FSD1L: variants seen among roughly 807,000 people sequenced by gnomAD.
The protein encoded by FSD1L is fibronectin type III and SPRY domain containing 1 like.
A neutral mutation model predicts 71.6 loss-of-function variants in FSD1L; 45 were observed. The observed-to-expected ratio is 0.63, with a 90% CI of 0.49 to 0.81. The LOEUF is 0.81. FSD1L is among the 30% of genes least tolerant of loss of function. The probability of loss-of-function intolerance (pLI) is 0.00; values close to 1 mark genes in which losing one functional copy is unlikely to be tolerated. For missense variants in FSD1L, 561 were observed against 618.1 expected, an observed-to-expected ratio of 0.91 and a Z score of 0.98; for synonymous variants, 197 against 207.2, an observed-to-expected ratio of 0.95 and a Z score of 0.42.
At position 105,478,947 on chromosome 9, in the gene FSD1L, T is replaced by G. The variant is rs565422283; in HGVS notation, c.442-407T>G. ...GTGAAAGAGATCTCTGAAGAAAAAT[T>G]AGAGAGTAAATTTGACATGTACAAG... On this transcript the variant is annotated intron_variant, in intron 5 of 13. Transcript: ENST00000481272. Among the ~76,000 whole-genome samples, 15 of 152,270 alleles carry G rather than the reference T, an allele frequency of 9.9e-5. No homozygotes were observed. The Middle Eastern group carries it at 0.021, about 209-fold the overall frequency.
At chr9:105,512,590 T>C (rs902652792) in intron 9 of FSD1L, among the ~76,000 whole-genome samples, 1 of 152,060 alleles carries the variant, frequency 6.6e-6, no homozygotes. Context: ...GGTTGGTGTA[T>C]AGGATATATA....
chr9:105,489,126 T>G (rs1588992404), intron 7 of FSD1L, among the ~76,000 whole-genome samples: 1 of 152,230 alleles, frequency 6.6e-6, no homozygotes, highest in Middle Eastern at 3.4e-3. Context: ...GGAAAATGTG[T>G]TTACTGACAT....
intron 10 of FSD1L, chr9:105,521,381 A>G (rs1835142329): frequency 6.2e-7 from 1 of 1,614,096 alleles, no homozygotes; most frequent in South Asian, 1.1e-5. Flanking sequence ...TCACGGAGCG[A>G]GAACCTAGCT....
Position 105,544,858 on chromosome 9 carries a change from C to T in FSD1L, c.1468-1500C>T, listed in dbSNP as rs897642815. Among the ~76,000 whole-genome samples the T allele has an allele frequency of 8.2e-4, 124 of 152,134 alleles. 1 individual carries two copies. Among genetic ancestry groups the T allele is most frequent in the African/African-American group, 2.8e-3 (118 of 41,512 alleles). ...TGTAGTATAGTTTGAAGTCAGGTAG[C>T]GTGATGCCTCCAGCTTTGTTCTTTT... On this transcript the variant is annotated intron_variant, in intron 13 of 13. Transcript: ENST00000481272.
At chr9:105,491,429 T>C (rs1234184784) in intron 7 of FSD1L, among the ~76,000 whole-genome samples, 3 of 152,134 alleles carry the variant, frequency 2.0e-5, no homozygotes, top group African/African-American at 7.3e-5. Flanking sequence ...AGATATACAA[T>C]CATGTCGTCT....
At chr9:105,532,182 A>G (rs139563894) in intron 10 of FSD1L, among the ~76,000 whole-genome samples, 16 of 152,210 alleles carry the variant, frequency 1.1e-4, no homozygotes, top group African/African-American at 3.1e-4. Context: ...TGCATGTACT[A>G]TTTTTTTAAA....
At chr9:105,511,122 C>A (rs1432535985) in intron 9 of FSD1L, among the ~76,000 whole-genome samples, 2 of 151,720 alleles carry the variant, frequency 1.3e-5, no homozygotes, top group African/African-American at 2.4e-5. Context: ...GCTTGAAATC[C>A]ATGCCTTTTT....
At chr9:105,466,853 G>T (rs1443908918) in intron 3 of FSD1L, among the ~76,000 whole-genome samples, 1 of 152,106 alleles carries the variant, frequency 6.6e-6, no homozygotes, top group Admixed American at 6.6e-5. Flanking sequence ...GAGATCTTAT[G>T]TAGAGCTAGC....
At chr9:105,508,473 G>A (rs1003014667) in intron 8 of FSD1L, 144 bp from the exon 9 acceptor site, 23 of 559,802 alleles carry the variant, frequency 4.1e-5, no homozygotes, top group Non-Finnish European at 9.8e-6. Context: ...CACTGCGCCT[G>A]GCCCACATAC....
At chr9:105,459,957 C>G (rs1426048825) in intron 1 of FSD1L, among the ~76,000 whole-genome samples, 1 of 152,164 alleles carries the variant, frequency 6.6e-6, no homozygotes, top group African/African-American at 2.4e-5. Flanking sequence ...GACCCTTTAT[C>G]TAGGTGTGTA....
intron 7 of FSD1L, among the ~76,000 whole-genome samples, chr9:105,486,667 TA>T (rs1564103237): frequency 2.0e-5 from 3 of 152,188 alleles, no homozygotes; most frequent in African/African-American, 7.2e-5. Flanking sequence ...AGAACATTCC[TA>T]ATATAATTTC....
chr9:105,467,585 CT>C (rs1478176085), intron 3 of FSD1L, among the ~76,000 whole-genome samples: 1 of 152,124 alleles, frequency 6.6e-6, no homozygotes, highest in East Asian at 1.9e-4. Flanking sequence ...CAGGATTTGA[CT>C]ACAAATTCTA....
chr9:105,456,366 A>G (rs955956028), intron 1 of FSD1L, among the ~76,000 whole-genome samples: 1 of 152,160 alleles, frequency 6.6e-6, no homozygotes, highest in African/African-American at 2.4e-5. Context: ...ACTTCATAGG[A>G]TTCTTGAAAG....
At chr9:105,443,224 G>A (rs558685425), upstream of FSD1L, among the ~76,000 whole-genome samples, 25 of 152,286 alleles carry the variant, frequency 1.6e-4, no homozygotes, top group Non-Finnish European at 2.5e-4. Context: ...AATTTATAAC[G>A]AAAAAGAGGT....
intron 7 of FSD1L, among the ~76,000 whole-genome samples, chr9:105,492,477 G>T (rs1452479722): frequency 2.6e-5 from 4 of 151,892 alleles, no homozygotes; most frequent in Admixed American, 2.6e-4. Context: ...TTTTTGAAGG[G>T]TTTTTTTGTG....
upstream of FSD1L, among the ~76,000 whole-genome samples, chr9:105,443,331 T>TTCA (rs745747160): frequency 1.9e-4 from 29 of 152,218 alleles, no homozygotes; most frequent in African/African-American, 5.8e-4. Flanking sequence ...AAAGACAGCT[T>TTCA]TCATCTGCAG....
chr9:105,492,347 C>G (rs1483146068), intron 7 of FSD1L, among the ~76,000 whole-genome samples: 10 of 151,946 alleles, frequency 6.6e-5, no homozygotes, highest in Non-Finnish European at 1.3e-4. Context: ...TGGTGAGATC[C>G]CCTTTATCAT....
At chr9:105,520,830 C>T (rs1835100602) in intron 10 of FSD1L, 7 of 1,612,250 alleles carry the variant, frequency 4.3e-6, no homozygotes, top group Non-Finnish European at 5.9e-6. Context: ...AATCACTCCT[C>T]TTGTCCCCCC....
rs1184097529 is a variant in FSD1L, at chr9:105,461,529, A to C, written c.25A>C (p.Lys9Gln). The C allele has an allele frequency of 1.3e-6, 2 of 1,548,352 alleles. No homozygotes were observed. Among genetic ancestry groups the C allele is most frequent in the Non-Finnish European group, 1.7e-6 (2 of 1,144,060 alleles). Residue 9 changes from lysine (K) to glutamine (Q), a missense_variant, in exon 2 of 14, where the codon AAG becomes CAG. This residue lies in a region of FSD1L where 410 missense variants were observed against 413.5 expected (regional missense o/e 0.99). Transcript: ENST00000481272. MDSQKYCF[K>Q]ENENVTVDKA... ...TATTTATATTGGACAGTACTGCTTT[A>C]AGGAGAATGAAAACGTTACAGTTGA...
Sources: allele counts gnomAD v4.1 joint callset (sites outside exome capture counted in the v4.1 genomes callset), GRCh38; gene constraint gnomAD v4.1.1; regional missense constraint gnomAD v4.1.1; transcripts MANE v1.5; gene names NCBI Gene and HGNC (gene_info 2026-07-23, HGNC 2026-07-21).